CACNB2: variants seen among roughly 807,000 people sequenced by gnomAD.
CACNB2 encodes calcium voltage-gated channel auxiliary subunit beta 2, also known as voltage-dependent L-type calcium channel subunit beta-2.
Under a neutral mutation model 73.3 loss-of-function variants are expected in CACNB2, and 42 were observed. That is an observed-to-expected ratio of 0.57 (90% CI 0.45 to 0.74). CACNB2 has a LOEUF of 0.74. CACNB2 is among the 30% of genes least tolerant of loss of function. The probability of loss-of-function intolerance (pLI) is 0.00; values close to 1 mark genes in which losing one functional copy is unlikely to be tolerated. For synonymous variants in CACNB2, 348 were observed against 310.3 expected (o/e 1.12, Z -1.28); for missense variants, 940 against 853.0 (o/e 1.10, Z -1.27).
intron 3 of CACNB2, among the ~76,000 whole-genome samples, chr10:18,482,996 C>T (rs2048865701): frequency 6.6e-6 from 1 of 152,132 alleles, no homozygotes; most frequent in South Asian, 2.1e-4. Flanking sequence ...GCTCTTTGGA[C>T]CTTGTTTCGG....
At chr10:18,400,235 T>C (rs1332256429) in intron 2 of CACNB2, among the ~76,000 whole-genome samples, 1 of 152,238 alleles carries the variant, frequency 6.6e-6, no homozygotes, top group African/African-American at 2.4e-5. Context: ...TATTTGATTT[T>C]TGCTATGCAA....
intron 5 of CACNB2, among the ~76,000 whole-genome samples, chr10:18,501,152 G>C (rs1478563659): frequency 6.6e-6 from 1 of 152,192 alleles, no homozygotes; most frequent in Non-Finnish European, 1.5e-5. Flanking sequence ...TTGGGAAAGT[G>C]TCAAATTATT....
intron 3 of CACNB2, among the ~76,000 whole-genome samples, chr10:18,404,727 C>G (rs1488828021): frequency 6.6e-6 from 1 of 152,096 alleles, no homozygotes; most frequent in African/African-American, 2.4e-5. Context: ...CTAATAATAC[C>G]TCTGTGAAAT....
chr10:18,178,544 A>AT (rs1320831606), intron 2 of CACNB2, among the ~76,000 whole-genome samples: 3 of 151,712 alleles, frequency 2.0e-5, no homozygotes, highest in African/African-American at 4.8e-5. Flanking sequence ...TATTTTTATT[A>AT]TTTTTTTTAG....
intron 2 of CACNB2, among the ~76,000 whole-genome samples, chr10:18,285,948 A>G (rs1253305245): frequency 6.6e-6 from 1 of 152,222 alleles, no homozygotes; most frequent in Non-Finnish European, 1.5e-5. Flanking sequence ...TTAAGTGAAT[A>G]ATAAGAAATT....
intron 2 of CACNB2, among the ~76,000 whole-genome samples, chr10:18,325,693 T>TCCCTC (rs1564438217): frequency 1.2e-4 from 8 of 69,074 alleles, no homozygotes; most frequent in Non-Finnish European, 1.7e-4. Context: ...CTCCCTCCCT[T>TCCCTC]CCTTCCTTCC....
At chr10:18,484,462 A>C (rs997829037) in intron 3 of CACNB2, among the ~76,000 whole-genome samples, 2 of 152,180 alleles carry the variant, frequency 1.3e-5, no homozygotes, top group Admixed American at 1.3e-4. Context: ...TAAGTGAGTG[A>C]AGTGTAACTG....
chr10:18,508,455 A>G (rs2050602871), intron 6 of CACNB2, among the ~76,000 whole-genome samples: 1 of 152,146 alleles, frequency 6.6e-6, no homozygotes, highest in African/African-American at 2.4e-5. Flanking sequence ...TTACACTCTT[A>G]TATATCTCAA....
intron 2 of CACNB2, among the ~76,000 whole-genome samples, chr10:18,181,339 C>A (rs2033868647): frequency 6.6e-6 from 1 of 152,080 alleles, no homozygotes; most frequent in Non-Finnish European, 1.5e-5. Context: ...TTCTTTCTTT[C>A]TTCCCATTGA....
At chr10:18,489,637 A>G (rs1266986780) in intron 3 of CACNB2, among the ~76,000 whole-genome samples, 1 of 152,118 alleles carries the variant, frequency 6.6e-6, no homozygotes, top group African/African-American at 2.4e-5. Context: ...AGCTGGGGTT[A>G]AATGAAATGT....
At chr10:18,401,196 G>T (rs1334343575) in intron 2 of CACNB2, 3 of 1,427,800 alleles carry the variant, frequency 2.1e-6, no homozygotes, top group Admixed American at 1.8e-5. Context: ...GTTTGATTTG[G>T]TTAATCGGAT....
intron 3 of CACNB2, among the ~76,000 whole-genome samples, chr10:18,473,360 A>G (rs2132769869): frequency 6.6e-6 from 1 of 152,344 alleles, no homozygotes; most frequent in South Asian, 2.1e-4. Flanking sequence ...TATTCAAAGA[A>G]CTTATAAAAG....
At chr10:18,503,152 A>T (rs1030654064) in intron 5 of CACNB2, among the ~76,000 whole-genome samples, 4 of 152,204 alleles carry the variant, frequency 2.6e-5, no homozygotes, top group Non-Finnish European at 4.4e-5. Context: ...TGAGAAAAAA[A>T]AGTAAAGACA....
intron 2 of CACNB2, among the ~76,000 whole-genome samples, chr10:18,392,994 G>A (rs1473811501): frequency 6.6e-6 from 1 of 151,904 alleles, no homozygotes; most frequent in Non-Finnish European, 1.5e-5. Flanking sequence ...AGATCCTCTG[G>A]GTTCAGGAGT....
At chr10:18,359,384 A>T (rs2042055512) in intron 2 of CACNB2, among the ~76,000 whole-genome samples, 1 of 151,802 alleles carries the variant, frequency 6.6e-6, no homozygotes, top group Non-Finnish European at 1.5e-5. Flanking sequence ...TGATTCTCCC[A>T]CCTCAGCCTC....
chr10:18,372,863 G>C (rs1473513172), intron 2 of CACNB2, among the ~76,000 whole-genome samples: 1 of 152,212 alleles, frequency 6.6e-6, no homozygotes, highest in Non-Finnish European at 1.5e-5. Flanking sequence ...ACTGGGAACA[G>C]CAGGTGCTGA....
At chr10:18,291,124 C>T (rs949717997) in intron 2 of CACNB2, among the ~76,000 whole-genome samples, 1 of 152,188 alleles carries the variant, frequency 6.6e-6, no homozygotes, top group Non-Finnish European at 1.5e-5. Context: ...CGTGAGGCTG[C>T]GCAGAAGGTA....
intron 2 of CACNB2, among the ~76,000 whole-genome samples, chr10:18,371,438 A>T (rs543188571): frequency 1.3e-5 from 2 of 151,878 alleles, no homozygotes; most frequent in Non-Finnish European, 2.9e-5. Context: ...ATTCCCACCT[A>T]TGAGTGAGAA....
chr10:18,168,013 A>G (rs2032974790), intron 2 of CACNB2, among the ~76,000 whole-genome samples: 2 of 152,224 alleles, frequency 1.3e-5, no homozygotes, highest in African/African-American at 2.4e-5. Flanking sequence ...CACTTAGGAT[A>G]GAAACCTCTC....
Sources: allele counts gnomAD v4.1 joint callset (sites outside exome capture counted in the v4.1 genomes callset), GRCh38; gene constraint gnomAD v4.1.1; transcripts MANE v1.5; gene names NCBI Gene and HGNC (gene_info 2026-07-23, HGNC 2026-07-21).